CCPG1: variants seen among roughly 807,000 people sequenced by gnomAD.
CCPG1 encodes cell cycle progression 1, also known as cell cycle progression protein 1.
In CCPG1, 46 loss-of-function variants were observed where a neutral mutation model predicts 81.3. The observed-to-expected ratio is 0.57, with a 90% CI of 0.45 to 0.72. CCPG1 has a LOEUF of 0.72. Among genes scored for constraint, CCPG1 ranks in the 30% least tolerant of loss-of-function variants. The probability of loss-of-function intolerance (pLI) is 0.00; values close to 1 mark genes in which losing one functional copy is unlikely to be tolerated. For synonymous variants in CCPG1, 330 were observed against 305.2 expected (o/e 1.08, Z -0.85); for missense variants, 902 against 937.6 (o/e 0.96, Z 0.50).
rs947734336 is a variant in CCPG1, at chr15:55,356,911, C to T, written c.2235-502G>A. On this transcript the variant is annotated intron_variant, in intron 8 of 8. Transcript: ENST00000442196. ...AGTCCATACTGTCATCCCCTGGCCG[C>T]CCAGTTTCCAAGCCAAGAAAACATT... 13 of 985,538 alleles carry T rather than the reference C, an allele frequency of 1.3e-5. No homozygotes were observed. The African/African-American group carries it at 1.9e-4, about 15-fold the overall frequency. 61.0% of individuals were successfully genotyped at this position (985,538 alleles called of 1,614,324 possible).
chr15:55,404,472 A>G (rs1566986793), intron 1 of CCPG1, among the ~76,000 whole-genome samples: 3 of 152,250 alleles, frequency 2.0e-5, no homozygotes, highest in South Asian at 4.1e-4. Context: ...CATAACAAAA[A>G]ATAAAAACAA....
intron 3 of CCPG1, among the ~76,000 whole-genome samples, chr15:55,381,875 G>T (rs1430978979): frequency 6.6e-6 from 1 of 152,058 alleles, no homozygotes; most frequent in Non-Finnish European, 1.5e-5. Context: ...ATATCTGCAA[G>T]TTCAGTTCCA....
Position 55,371,097 on chromosome 15 carries a change from A to G in CCPG1, c.706+696T>C, listed in dbSNP as rs189544443. Among the ~76,000 whole-genome samples, 5 of 152,240 alleles carry G rather than the reference A, an allele frequency of 3.3e-5. No individual in the cohort carries two copies. In the East Asian group the frequency reaches 5.8e-4, roughly 18 times the overall value. On this transcript the variant is annotated intron_variant, in intron 6 of 8. Coordinates refer to ENST00000442196, the MANE Select transcript of CCPG1 (RefSeq NM_001204450.2). ...CACTGCACTCCAGCCTGGGCGACAG[A>G]GTGGGACTCCGTCTCCAAAAAACAA... is the stretch of plus-strand genomic sequence containing the variant.
chr15:55,379,239 AG>A (rs1305932073), intron 3 of CCPG1, among the ~76,000 whole-genome samples: 1 of 150,952 alleles, frequency 6.6e-6, no homozygotes, highest in Non-Finnish European at 1.5e-5. Flanking sequence ...ACAAGGACTC[AG>A]GCGGGGTGCA....
chr15:55,356,216 T>C lies in CCPG1; in HGVS notation c.*4A>G, dbSNP rs1379514762. 2 of 1,524,954 alleles carry C rather than the reference T, an allele frequency of 1.3e-6. No individual in the cohort carries two copies. Among genetic ancestry groups the C allele is most frequent in the East Asian group, 4.9e-5 (2 of 40,630 alleles). 94.5% of individuals were successfully genotyped at this position (1,524,954 alleles called of 1,614,324 possible). A position where few individuals can be genotyped will look rare whatever the true frequency, so the allele number is the denominator to read the frequency against. On this transcript the variant is annotated 3_prime_UTR_variant, in exon 9 of 9. Transcript: ENST00000442196. The stretch of plus-strand genomic sequence containing the variant: ...ACAGTTGTCTAATTTAACTCAATTG[T>C]GAATCAGTATTGAGGATCAAAAGGT...
At chr15:55,403,140 G>C (rs967294459) in intron 1 of CCPG1, among the ~76,000 whole-genome samples, 3 of 152,080 alleles carry the variant, frequency 2.0e-5, no homozygotes, top group African/African-American at 7.2e-5. Flanking sequence ...TACTTCATAT[G>C]AGTAGATAAC....
chr15:55,385,723 A>G lies in CCPG1; in HGVS notation c.61-9T>C. The G allele has an allele frequency of 6.8e-7, 1 of 1,469,100 alleles. No individual in the cohort carries two copies. Among genetic ancestry groups the G allele is most frequent in the East Asian group, 2.3e-5 (1 of 44,146 alleles). 91.0% of individuals were successfully genotyped at this position (1,469,100 alleles called of 1,614,324 possible). On this transcript the variant is annotated splice_polypyrimidine_tract_variant and intron_variant, in intron 2 of 8. Transcript: ENST00000442196. ...ATTTCTATATCTGACCCCTAAGGAA[A>G]AGTGATAATCTTTCAGTTATTTGCC...
chr15:55,358,356 G>C, intron 8 of CCPG1: 5 of 984,860 alleles, frequency 5.1e-6, no homozygotes, highest in Non-Finnish European at 6.0e-6. Context: ...TGAAGATAAG[G>C]GGGGACTACT....
chr15:55,362,924 G>T (rs117798055), intron 7 of CCPG1, among the ~76,000 whole-genome samples: 2 of 151,890 alleles, frequency 1.3e-5, no homozygotes, highest in Non-Finnish European at 1.5e-5. Context: ...GCTTGTGGTC[G>T]CAGCTACTTG....
intron 1 of CCPG1, among the ~76,000 whole-genome samples, chr15:55,397,581 T>C (rs1051585632): frequency 3.3e-5 from 5 of 152,070 alleles, no homozygotes; most frequent in Admixed American, 1.3e-4. Context: ...CCTGATGTAT[T>C]GAATATGGGG....
chr15:55,376,447 G>A (rs111943108), intron 5 of CCPG1, among the ~76,000 whole-genome samples: 2 of 152,196 alleles, frequency 1.3e-5, no homozygotes, highest in Non-Finnish European at 2.9e-5. Context: ...TGAAGGTCAC[G>A]AGCTTTGGAA....
At chr15:55,396,717 A>C (rs1284975590) in intron 1 of CCPG1, among the ~76,000 whole-genome samples, 1 of 152,192 alleles carries the variant, frequency 6.6e-6, no homozygotes, top group Non-Finnish European at 1.5e-5. Context: ...TCTAAAAACG[A>C]TGGTCAGGGC....
rs2056689158 is a variant in CCPG1 at position 55,381,315 on chromosome 15, G to C, written c.176-2939C>G. Among the ~76,000 whole-genome samples, 3 of 151,420 alleles carry C rather than the reference G, an allele frequency of 2.0e-5. No homozygotes were observed. In the South Asian group the frequency reaches 6.2e-4, roughly 32 times the overall value. ...AAAAAATAGCTGGGCATAGTGGCAG[G>C]CACCTGTAATCCAAGCTACACAGGA... On this transcript the variant is annotated intron_variant, in intron 3 of 8. Transcript: ENST00000442196.
rs2056150210 is a variant in CCPG1, at chr15:55,359,642, T to A, written c.2131A>T (p.Met711Leu). 2 of 1,613,388 alleles carry A rather than the reference T, an allele frequency of 1.2e-6. No homozygotes were observed. The highest frequency in any genetic ancestry group is 1.7e-6 in the Non-Finnish European group (2 of 1,179,858). ...TCATTATCTACTTCATATTCCTTCA[T>A]GTTTCTAAGATAATCTTTAACATCA... The part of the protein sequence containing the change: ...VNDVKDYLRN[M>L]KEYEVDNDGV... The change falls in exon 8 of 9, where the codon ATG (methionine) becomes TTG (leucine). Residue 711 changes from methionine to leucine, a missense_variant. Physicochemically the swap from Met to Leu is conservative, Grantham distance 15. Around this residue, in one of 3 missense-constraint regions of CCPG1, gnomAD observed 128 missense variants for 161.2 expected, o/e 0.79. Transcript: ENST00000442196.
chr15:55,378,714 C>T (rs2056616762), intron 3 of CCPG1, among the ~76,000 whole-genome samples: 1 of 151,946 alleles, frequency 6.6e-6, no homozygotes, highest in African/African-American at 2.4e-5. Context: ...AGTGATTCTC[C>T]TGCCTCAGCC....
chr15:55,383,421 G>T (rs898396095), intron 3 of CCPG1, among the ~76,000 whole-genome samples: 1 of 152,186 alleles, frequency 6.6e-6, no homozygotes, highest in African/African-American at 2.4e-5. Context: ...TCAAGGCATG[G>T]TAAGTAAACA....
At chr15:55,404,846 C>T (rs868065921) in intron 1 of CCPG1, among the ~76,000 whole-genome samples, 2 of 152,304 alleles carry the variant, frequency 1.3e-5, no homozygotes, top group Admixed American at 6.5e-5. Flanking sequence ...CCCAGGCAAC[C>T]GGATCACGCA....
At chr15:55,383,044 G>C (rs1017086638) in intron 3 of CCPG1, among the ~76,000 whole-genome samples, 2 of 152,098 alleles carry the variant, frequency 1.3e-5, no homozygotes, top group Non-Finnish European at 2.9e-5. Flanking sequence ...AGATCCATCA[G>C]AACAATCACT....
intron 2 of CCPG1, among the ~76,000 whole-genome samples, chr15:55,389,068 C>CAAAAAAAAAAAAAAAAAAAA (rs373917631): frequency 3.6e-5 from 2 of 56,268 alleles, no homozygotes; most frequent in African/African-American, 7.1e-5. Context: ...GACTCTGTCT[C>CAAAAAAAAAAAAAAAAAAAA]AAAAAAAAAA....
Sources: allele counts gnomAD v4.1 joint callset (sites outside exome capture counted in the v4.1 genomes callset), GRCh38; gene constraint gnomAD v4.1.1; regional missense constraint gnomAD v4.1.1; transcripts MANE v1.5; gene names NCBI Gene and HGNC (gene_info 2026-07-23, HGNC 2026-07-21).